Variants in MGAT4C observed in about 807,000 individuals in gnomAD.
MGAT4C encodes MGAT4 family member C, also known as alpha-1,3-mannosyl-glycoprotein 4-beta-N-acetylglucosaminyltransferase C.
MGAT4C carries 19 observed loss-of-function variants against 40.1 expected under a neutral mutation model. The ratio of observed to expected loss-of-function variants is 0.47; its 90% CI spans 0.33 to 0.70. The LOEUF (loss-of-function observed/expected upper bound fraction) is 0.70, where lower values mean the gene tolerates loss of function less well. Among genes scored for constraint, MGAT4C ranks in the 30% least tolerant of loss-of-function variants. The pLI is 0.02. For missense variants in MGAT4C, 491 were observed against 563.2 expected (o/e 0.87, Z 1.30); for synonymous variants, 181 against 187.1 (o/e 0.97, Z 0.27).
chr12:86,103,789 T>G (rs1195421665), intron 1 of MGAT4C, among the ~76,000 whole-genome samples: 1 of 152,118 alleles, frequency 6.6e-6, no homozygotes, highest in Admixed American at 6.5e-5. Flanking sequence ...CATAGTCGAT[T>G]AGGCGACCTG....
intron 3 of MGAT4C, among the ~76,000 whole-genome samples, chr12:86,411,867 T>A (rs1163336832): frequency 1.3e-5 from 2 of 152,218 alleles, no homozygotes; most frequent in Non-Finnish European, 2.9e-5. Flanking sequence ...ACTCAGGGCC[T>A]CACTACTCTG....
At chr12:86,377,596 C>G (rs929101605) in intron 3 of MGAT4C, among the ~76,000 whole-genome samples, 1 of 152,156 alleles carries the variant, frequency 6.6e-6, no homozygotes. Context: ...CAGTGACACA[C>G]TTAAGAATAT....
intron 1 of MGAT4C, among the ~76,000 whole-genome samples, chr12:86,131,918 G>A (rs1881245971): frequency 6.6e-6 from 1 of 151,924 alleles, no homozygotes; most frequent in Non-Finnish European, 1.5e-5. Context: ...TAATTCAATT[G>A]TAAGAATCAA....
intron 2 of MGAT4C, among the ~76,000 whole-genome samples, chr12:86,626,547 A>G (rs2136496914): frequency 6.6e-6 from 1 of 152,322 alleles, no homozygotes; most frequent in South Asian, 2.1e-4. Flanking sequence ...TTAAGATAAA[A>G]GAGAATGGAT....
At chr12:86,319,628 C>G (rs1383906413) in intron 4 of MGAT4C, among the ~76,000 whole-genome samples, 1 of 152,158 alleles carries the variant, frequency 6.6e-6, no homozygotes, top group Non-Finnish European at 1.5e-5. Flanking sequence ...AGTGGAATGA[C>G]ACTAGGATGT....
chr12:86,742,048 T>C (rs1951077491), intron 1 of MGAT4C, among the ~76,000 whole-genome samples: 1 of 151,430 alleles, frequency 6.6e-6, no homozygotes, highest in Non-Finnish European at 1.5e-5. Context: ...AGTTAGTCTA[T>C]GGTTCTTTGT....
chr12:86,621,993 A>G (rs1962653297), intron 2 of MGAT4C, among the ~76,000 whole-genome samples: 1 of 152,174 alleles, frequency 6.6e-6, no homozygotes, highest in Non-Finnish European at 1.5e-5. Context: ...TACAGATTCT[A>G]AAGTGTACTG....
At chr12:86,486,214 C>A (rs553174497) in intron 2 of MGAT4C, among the ~76,000 whole-genome samples, 4 of 152,046 alleles carry the variant, frequency 2.6e-5, no homozygotes, top group African/African-American at 7.2e-5. Flanking sequence ...CATATCAATA[C>A]TACCCTGGAA....
chr12:86,672,684 A>G (rs1277398871), intron 2 of MGAT4C, among the ~76,000 whole-genome samples: 3 of 152,154 alleles, frequency 2.0e-5, no homozygotes, highest in Non-Finnish European at 4.4e-5. Context: ...GCTTGTTCTC[A>G]TGTATAAGTG....
chr12:86,528,905 G>A (rs987683435), intron 2 of MGAT4C, among the ~76,000 whole-genome samples: 1 of 151,706 alleles, frequency 6.6e-6, no homozygotes, highest in Non-Finnish European at 1.5e-5. Context: ...AAGCCACCGT[G>A]GCACACATTT....
chr12:86,147,462 G>C (rs561913878), intron 1 of MGAT4C, among the ~76,000 whole-genome samples: 21 of 152,088 alleles, frequency 1.4e-4, no homozygotes, highest in East Asian at 3.9e-4. Flanking sequence ...AGGATGGTCT[G>C]GATCTCCTGA....
Position 86,648,360 on chromosome 12 carries a change from GT to G in MGAT4C, c.-229+78848del, listed in dbSNP as rs374193768. ...TGTGGTTTTGTTGTCAGAAAATATG[GT>G]GAGCATATTCATCTGTTGAAACCTA... On this transcript the variant is annotated intron_variant, in intron 2 of 7. Transcript: ENST00000548651. Among the ~76,000 whole-genome samples, 8 of 151,934 alleles carry G rather than the reference GT, an allele frequency of 5.3e-5. No individual in the cohort carries two copies. The East Asian group carries it at 1.6e-3, about 30-fold the overall frequency.
At chr12:86,007,892 T>C (rs1419238260) in intron 2 of MGAT4C, among the ~76,000 whole-genome samples, 1 of 150,320 alleles carries the variant, frequency 6.7e-6, no homozygotes, top group Non-Finnish European at 1.5e-5. Context: ...AAATTAAGTG[T>C]ATGGTGTGAA....
intron 2 of MGAT4C, among the ~76,000 whole-genome samples, chr12:86,608,650 GA>G (rs1325176487): frequency 1.3e-5 from 2 of 151,254 alleles, no homozygotes; most frequent in Non-Finnish European, 1.5e-5. Context: ...ATTTCATGTG[GA>G]AAAAATAGAC....
At position 86,558,202 on chromosome 12, in the gene MGAT4C, C is replaced by T. The variant is rs563346674; in HGVS notation, c.-228-122937G>A. Among the ~76,000 whole-genome samples, 4 of 152,112 alleles carry T rather than the reference C, an allele frequency of 2.6e-5. No individual in the cohort carries two copies. In the East Asian group the frequency reaches 5.8e-4, roughly 22 times the overall value. ...AGAAAGATGAAGCCTGCTTATATGA[C>T]ATATATGACATCATAAAGTGATAAA... is the stretch of plus-strand genomic sequence containing the variant. On this transcript the variant is annotated intron_variant, in intron 2 of 7. Coordinates refer to the MGAT4C transcript ENST00000548651.
chr12:86,603,981 ATAT>A (rs759352079), intron 2 of MGAT4C, among the ~76,000 whole-genome samples: 13 of 151,444 alleles, frequency 8.6e-5, no homozygotes, highest in Non-Finnish European at 1.8e-4. Context: ...TCAGAACATG[ATAT>A]TATACATTAC....
intron 2 of MGAT4C, among the ~76,000 whole-genome samples, chr12:86,462,056 T>C (rs1046667292): frequency 6.6e-6 from 1 of 152,226 alleles, no homozygotes; most frequent in South Asian, 2.1e-4. Flanking sequence ...TTTGCATTCA[T>C]GGTTAAGAGT....
At chr12:86,828,120 A>G (rs1952843371) in intron 1 of MGAT4C, among the ~76,000 whole-genome samples, 1 of 151,232 alleles carries the variant, frequency 6.6e-6, no homozygotes, top group Admixed American at 6.6e-5. Context: ...ATAGAATCAA[A>G]TGCATTTAAA....
At chr12:86,381,187 G>A (rs1955921577) in intron 3 of MGAT4C, among the ~76,000 whole-genome samples, 1 of 152,066 alleles carries the variant, frequency 6.6e-6, no homozygotes, top group Admixed American at 6.6e-5. Context: ...TTGTCACGTG[G>A]CTGTCAACTT....
Sources: allele counts gnomAD v4.1 joint callset (sites outside exome capture counted in the v4.1 genomes callset), GRCh38; gene constraint gnomAD v4.1.1; transcripts MANE v1.5; gene names NCBI Gene and HGNC (gene_info 2026-07-23, HGNC 2026-07-21).